The following GDI2 variants were observed in gnomAD, a reference collection of about 807,000 sequenced individuals.
GDI2 encodes the protein GDP dissociation inhibitor 2, also known as rab GDP dissociation inhibitor beta.
In GDI2, 22 loss-of-function variants were observed where a neutral mutation model predicts 54.2. That is an observed-to-expected ratio of 0.41 (90% CI 0.29 to 0.58). GDI2 has a LOEUF of 0.58. Among genes scored for constraint, GDI2 ranks in the 20% least tolerant of loss-of-function variants. The pLI is 0.35. For missense variants in GDI2, 422 were observed against 546.0 expected, an observed-to-expected ratio of 0.77 and a Z score of 2.26; for synonymous variants, 177 against 182.1, an observed-to-expected ratio of 0.97 and a Z score of 0.23.
intron 4 of GDI2, among the ~76,000 whole-genome samples, chr10:5,787,854 T>C (rs190866010): frequency 9.2e-5 from 14 of 152,378 alleles, no homozygotes; most frequent in Admixed American, 7.8e-4. Flanking sequence ...AAACCTGAGT[T>C]GCTGTTACCA....
Position 5,810,555 on chromosome 10 carries a change from G to C in GDI2, c.45+2659C>G, listed in dbSNP as rs544822260. On this transcript the variant is annotated intron_variant, in intron 1 of 10. Transcript: ENST00000380191. ...AAGCATAGCAGCCTGAGAGTAAAGG[G>C]GGCAAAAGTTCCTACAAAGCTGGCG... 1.1e-4 allele frequency among the ~76,000 whole-genome samples: 17 copies of C among 152,270 alleles called. 1 individual carries two copies. The South Asian group carries it at 2.7e-3, about 24-fold the overall frequency.
intron 1 of GDI2, among the ~76,000 whole-genome samples, chr10:5,804,526 C>T (rs1415058528): frequency 6.6e-6 from 1 of 152,200 alleles, no homozygotes; most frequent in East Asian, 1.9e-4. Context: ...ATTTGTTCTG[C>T]CCGCTTCTGA....
In GDI2 at chr10:5,765,558, T is replaced by C. The variant is rs7770; in HGVS notation, c.*448A>G. 0.11 allele frequency: 17,394 copies of C among 153,172 alleles called. 1,357 individuals are homozygous for C. The highest frequency in any genetic ancestry group is 0.22 in the Admixed American group (3,372 of 15,300). The allele number at this position is 153,172 out of a possible 1,614,324, so 9.5% of individuals were successfully genotyped here. A position where few individuals can be genotyped will look rare whatever the true frequency, so the allele number is the denominator to read the frequency against. ...CCATAACATTTGACATAATACAAAA[T>C]ATAAAGTCATAGGGAAAACTTCCGG... On this transcript the variant is annotated 3_prime_UTR_variant, in exon 11 of 11. Coordinates refer to ENST00000380191, the MANE Select transcript of GDI2 (RefSeq NM_001494.4).
chr10:5,806,001 A>C (rs1361192726), intron 1 of GDI2, among the ~76,000 whole-genome samples: 2 of 152,180 alleles, frequency 1.3e-5, no homozygotes, highest in Non-Finnish European at 2.9e-5. Context: ...TCACTATTAC[A>C]AATAATGCTC....
At chr10:5,793,796 A>G (rs1262445848) in intron 4 of GDI2, among the ~76,000 whole-genome samples, 1 of 152,180 alleles carries the variant, frequency 6.6e-6, no homozygotes, top group Non-Finnish European at 1.5e-5. Context: ...TATTTAAGAG[A>G]GACGCTGAAA....
rs1841091486 is a variant in GDI2 at position 5,794,191 on chromosome 10, ATATATATATATATATATATAT to A, written c.388+673_388+693del. Reference sequence around the variant, plus strand: ...TTAAAAGAAAAAAAAAAAAAAAAATATATATATATATATATATATATATATATATATATATATATATAAAAC... The same window carrying A: ...TTAAAAGAAAAAAAAAAAAAAAAATAATATATATATATATATATATAAAAC... On this transcript the variant is annotated intron_variant, in intron 4 of 10. Transcript: ENST00000380191. 1.9e-3 allele frequency among the ~76,000 whole-genome samples: 62 copies of A among 31,932 alleles called. 6 individuals carry two copies. Among genetic ancestry groups the A allele is most frequent in the Admixed American group, 7.5e-3 (15 of 2,002 alleles). 20.9% of individuals were successfully genotyped at this position (31,932 alleles called of 152,430 possible).
intron 6 of GDI2, among the ~76,000 whole-genome samples, chr10:5,781,574 G>A (rs1261630628): frequency 2.8e-5 from 4 of 141,538 alleles, no homozygotes; most frequent in Non-Finnish European, 6.1e-5. Context: ...GCAGTGAGCC[G>A]AGACAGTGCC....
intron 1 of GDI2, chr10:5,811,958 T>C (rs867206589): frequency 3.1e-6 from 3 of 955,204 alleles, no homozygotes; most frequent in South Asian, 1.7e-5. Context: ...GGATGTTACC[T>C]GTAAAAAAAA....
At chr10:5,803,080 A>G (rs532065365) in intron 1 of GDI2, among the ~76,000 whole-genome samples, 1 of 152,238 alleles carries the variant, frequency 6.6e-6, no homozygotes, top group Non-Finnish European at 1.5e-5. Flanking sequence ...AGAACTGAAC[A>G]CAGAAGCATG....
intron 1 of GDI2, among the ~76,000 whole-genome samples, chr10:5,801,205 A>G (rs1718892019): frequency 6.6e-6 from 1 of 152,052 alleles, no homozygotes; most frequent in Non-Finnish European, 1.5e-5. Context: ...CTCCCGCCTC[A>G]GCCTCCCAAA....
rs192394632 is a variant in GDI2 at position 5,790,224 on chromosome 10, C to A, written c.389-4174G>T. 3.7e-4 allele frequency among the ~76,000 whole-genome samples: 57 copies of A among 152,338 alleles called. No individual in the cohort carries two copies. The East Asian group carries it at 0.01, about 27-fold the overall frequency. ...ACAGACAATTCATCTCATACACATA[C>A]AACCTAAACTTTTGGTACCAATAAG... On this transcript the variant is annotated intron_variant, in intron 4 of 10. Transcript: ENST00000380191.
chr10:5,774,017 TGA>T lies in GDI2; in HGVS notation c.720-78_720-77del. On this transcript the variant is annotated intron_variant, in intron 6 of 10. Coordinates refer to ENST00000380191, the MANE Select transcript of GDI2 (RefSeq NM_001494.4). This position sits in a 1 kb window ranked among gnomAD's most constrained non-coding sequence, Gnocchi z 4.8. ...TAAAGTCCCCTTTCTTAGATCTTAA[TGA>T]GTTACAGACAATATACATTTGTTCA... The T allele has an allele frequency of 2.9e-6, 2 of 682,726 alleles. No individual in the cohort carries two copies. 42.3% of individuals were successfully genotyped at this position (682,726 alleles called of 1,614,324 possible). A position where few individuals can be genotyped will look rare whatever the true frequency, so the allele number is the denominator to read the frequency against.
rs1218516225 is a variant in GDI2, at chr10:5,766,737, TACTCTC to T, written c.992-105_992-100del. On this transcript the variant is annotated intron_variant, in intron 8 of 10. Coordinates refer to ENST00000380191, the MANE Select transcript of GDI2 (RefSeq NM_001494.4). This position sits in a 1 kb window ranked among gnomAD's most constrained non-coding sequence, Gnocchi z 5.8. ...TATGTCATGAGGTGTGAGTTAAAAT[TACTCTC>T]AATAGGCAAGATCTTCTACACTTAA... 1.0e-5 allele frequency: 9 copies of T among 877,128 alleles called. No homozygotes were observed. The highest frequency in any genetic ancestry group is 1.7e-5 in the Non-Finnish European group (9 of 543,190). The allele number at this position is 877,128 out of a possible 1,614,324, so 54.3% of individuals were successfully genotyped here. A position where few individuals can be genotyped will look rare whatever the true frequency, so the allele number is the denominator to read the frequency against.
chr10:5,796,803 G>C lies in GDI2; in HGVS notation c.213C>G (p.Asp71Glu), dbSNP rs751297603. 1 of 1,587,798 alleles carries C rather than the reference G, an allele frequency of 6.3e-7. No homozygotes were observed. Among genetic ancestry groups the C allele is most frequent in the South Asian group, 1.1e-5 (1 of 90,410 alleles). ...SPPESMGRGRDWNVDLIPKFL... is the reference protein window; with the variant it reads ...SPPESMGRGREWNVDLIPKFL... The stretch of plus-strand genomic sequence containing the variant: ...ACTTGGGAATCAAGTCAACATTCCA[G>C]TCTCTTCCTCTCCCCATTGACTCGG... The change falls in exon 3 of 11, where the codon GAC (aspartate) becomes GAG (glutamate). Residue 71 changes from aspartate (D) to glutamate (E), a missense_variant. Transcript: ENST00000380191.
rs148707440 is a variant in GDI2 at position 5,812,329 on chromosome 10, C to G, written c.45+885G>C. On this transcript the variant is annotated intron_variant, in intron 1 of 10. Coordinates refer to ENST00000380191, the MANE Select transcript of GDI2 (RefSeq NM_001494.4). ...AATCAATATACCATGATATTAGGTACACCTTGCATTCATATATTACAATGC... is the reference window on the plus strand; with the variant it reads ...AATCAATATACCATGATATTAGGTAGACCTTGCATTCATATATTACAATGC... Among the ~76,000 whole-genome samples the G allele has an allele frequency of 3.3e-5, 5 of 152,170 alleles. No homozygotes were observed. The East Asian group carries it at 9.6e-4, about 29-fold the overall frequency.
intron 2 of GDI2, among the ~76,000 whole-genome samples, chr10:5,798,449 C>T (rs1564397473): frequency 1.3e-5 from 2 of 151,714 alleles, no homozygotes; most frequent in South Asian, 2.1e-4. Context: ...ATTAGCCAGA[C>T]GTGATGATGT....
At position 5,770,823 on chromosome 10, in the gene GDI2, G is replaced by A. The variant is rs1840472208; in HGVS notation, c.820-2439C>T. On this transcript the variant is annotated intron_variant, in intron 7 of 10. Transcript: ENST00000380191. ...TCTACTAAAAATACAAAAATTAGCT[G>A]GGTGTGGTGGTGGGCACCTGTAATC... 4.0e-5 allele frequency among the ~76,000 whole-genome samples: 6 copies of A among 151,712 alleles called. No individual in the cohort carries two copies. The South Asian group carries it at 1.3e-3, about 32-fold the overall frequency.
intron 5 of GDI2, among the ~76,000 whole-genome samples, chr10:5,785,619 AC>A (rs1393503804): frequency 6.6e-6 from 1 of 151,970 alleles, no homozygotes; most frequent in African/African-American, 2.4e-5. Flanking sequence ...CAAATGATCC[AC>A]CCAACTTGGC....
intron 4 of GDI2, among the ~76,000 whole-genome samples, chr10:5,787,487 A>G (rs752792673): frequency 2.6e-5 from 4 of 152,106 alleles, no homozygotes; most frequent in Non-Finnish European, 5.9e-5. Flanking sequence ...AGCCTGGGCA[A>G]CAAGAGTGAG....
Sources: gnomAD v4.1 joint callset for allele counts (sites outside exome capture counted in the v4.1 genomes callset) on GRCh38, gnomAD v4.1.1 for gene constraint, Gnocchi (gnomAD v3.1) non-coding constraint, MANE v1.5 for transcripts, NCBI Gene and HGNC (gene_info 2026-07-23, HGNC 2026-07-21) for gene names.